The following ENTHD1 variants were observed in gnomAD, a reference collection of about 807,000 sequenced individuals.
ENTHD1 encodes the protein ENTH domain-containing protein 1.
Under a neutral mutation model 39.1 loss-of-function variants are expected in ENTHD1, and 23 were observed. That is an observed-to-expected ratio of 0.59 (90% CI 0.42 to 0.83). ENTHD1 has a LOEUF of 0.83. Ranked by LOEUF, ENTHD1 falls within the 40% of genes least tolerant of loss-of-function variation. The probability of loss-of-function intolerance (pLI) is 0.00; values close to 1 mark genes in which losing one functional copy is unlikely to be tolerated. For synonymous variants in ENTHD1, 230 were observed against 258.2 expected, an observed-to-expected ratio of 0.89 and a Z score of 1.05; for missense variants, 624 against 705.4, an observed-to-expected ratio of 0.88 and a Z score of 1.31.
intron 2 of ENTHD1, among the ~76,000 whole-genome samples, chr22:39,880,691 T>C (rs1231083604): frequency 6.6e-6 from 1 of 152,216 alleles, no homozygotes; most frequent in East Asian, 1.9e-4. Flanking sequence ...AGGATACATT[T>C]CTGAATTCTT....
chr22:39,833,941 CAAA>C (rs59299623), intron 4 of ENTHD1, among the ~76,000 whole-genome samples: 10 of 117,932 alleles, frequency 8.5e-5, no homozygotes, highest in Admixed American at 3.4e-4. Context: ...TATACTTGGG[CAAA>C]AAAAAAAAAA....
At chr22:39,774,089 CTT>C (rs2065348803) in intron 5 of ENTHD1, among the ~76,000 whole-genome samples, 1 of 152,180 alleles carries the variant, frequency 6.6e-6, no homozygotes, top group Admixed American at 6.5e-5. Context: ...TGGCAGACGT[CTT>C]GACAGACAGG....
intron 2 of ENTHD1, among the ~76,000 whole-genome samples, chr22:39,878,237 T>C (rs1327831364): frequency 3.3e-5 from 5 of 152,088 alleles, no homozygotes; most frequent in African/African-American, 9.7e-5. Context: ...GACATCTCAA[T>C]AGAAACCACT....
intron 5 of ENTHD1, among the ~76,000 whole-genome samples, chr22:39,783,462 G>A (rs1334168160): frequency 1.3e-5 from 2 of 152,032 alleles, no homozygotes; most frequent in Non-Finnish European, 2.9e-5. Context: ...GAGAAAAAAA[G>A]AATAAAGCTG....
intron 5 of ENTHD1, among the ~76,000 whole-genome samples, chr22:39,800,518 C>G (rs2146615686): frequency 1.3e-5 from 2 of 152,324 alleles, no homozygotes; most frequent in Admixed American, 1.3e-4. Flanking sequence ...TCTCAGGAGC[C>G]TGGGACCTAG....
chr22:39,765,516 G>A lies in ENTHD1; in HGVS notation c.926C>T (p.Thr309Ile). ...RSDGIFTNTV[T>I]ENLLETPLEK... is the part of the protein sequence containing the mutation. ...TAAAGGTGTTTCCAAGAGGTTTTCT[G>A]TGACAGTATTTGTAAAGATACCATC... Residue 309 changes from threonine to isoleucine, a missense_variant, in exon 6 of 7, where the codon ACA becomes ATA. By Grantham distance (89) the Thr-to-Ile change is moderately conservative. Transcript: ENST00000325157. 1.9e-6 allele frequency: 3 copies of A among 1,613,854 alleles called. No homozygotes were observed. Among genetic ancestry groups the A allele is most frequent in the South Asian group, 1.1e-5 (1 of 91,076 alleles).
At chr22:39,779,417 A>G (rs1370466852) in intron 5 of ENTHD1, among the ~76,000 whole-genome samples, 1 of 152,194 alleles carries the variant, frequency 6.6e-6, no homozygotes, top group Non-Finnish European at 1.5e-5. Flanking sequence ...TAGAACTTCT[A>G]AAAATGAAAA....
chr22:39,799,372 A>G (rs962154385), intron 5 of ENTHD1, among the ~76,000 whole-genome samples: 50 of 152,132 alleles, frequency 3.3e-4, no homozygotes, highest in African/African-American at 1.2e-3. Context: ...GGGCTGCAGG[A>G]CACTGTGTGT....
At chr22:39,778,125 G>A (rs1177323303) in intron 5 of ENTHD1, among the ~76,000 whole-genome samples, 1 of 152,174 alleles carries the variant, frequency 6.6e-6, no homozygotes, top group African/African-American at 2.4e-5. Flanking sequence ...GCTTGAAAAG[G>A]TGCCTGGCAC....
intron 2 of ENTHD1, among the ~76,000 whole-genome samples, chr22:39,863,409 A>G (rs1035080968): frequency 6.6e-6 from 1 of 152,190 alleles, no homozygotes; most frequent in Non-Finnish European, 1.5e-5. Context: ...TTCTAGTGAG[A>G]GTGATAGCTC....
At chr22:39,754,479 C>G (rs1379690384) in intron 6 of ENTHD1, among the ~76,000 whole-genome samples, 7 of 152,314 alleles carry the variant, frequency 4.6e-5, no homozygotes, top group African/African-American at 1.7e-4. Flanking sequence ...CTCCACATCC[C>G]TCAGGCTTGG....
intron 5 of ENTHD1, among the ~76,000 whole-genome samples, chr22:39,794,978 T>A (rs2065535764): frequency 6.6e-6 from 1 of 152,148 alleles, no homozygotes. Context: ...TCATGAAGCG[T>A]CATTGGATTT....
At chr22:39,791,263 TCTAGA>T (rs1451863489) in intron 5 of ENTHD1, among the ~76,000 whole-genome samples, 1 of 147,982 alleles carries the variant, frequency 6.8e-6, no homozygotes, top group Non-Finnish European at 1.5e-5. Context: ...TAGACTATAG[TCTAGA>T]CTATATATAG....
intron 5 of ENTHD1, among the ~76,000 whole-genome samples, chr22:39,798,412 A>T (rs2065568191): frequency 6.6e-6 from 1 of 151,890 alleles, no homozygotes; most frequent in Non-Finnish European, 1.5e-5. Flanking sequence ...CTTTCTGAGG[A>T]TGTATCTATG....
intron 4 of ENTHD1, among the ~76,000 whole-genome samples, chr22:39,833,878 G>T (rs1273931000): frequency 1.4e-5 from 2 of 141,930 alleles, no homozygotes; most frequent in East Asian, 4.2e-4. Context: ...CCACACTTAC[G>T]CATACTGTAG....
At chr22:39,817,539 C>T (rs547433801) in intron 5 of ENTHD1, among the ~76,000 whole-genome samples, 87 of 152,220 alleles carry the variant, frequency 5.7e-4, no homozygotes, top group African/African-American at 2.0e-3. Flanking sequence ...GTATGTAATA[C>T]ACACAGAAAG....
At chr22:39,806,888 G>T (rs2065645088) in intron 5 of ENTHD1, among the ~76,000 whole-genome samples, 1 of 152,168 alleles carries the variant, frequency 6.6e-6, no homozygotes, top group African/African-American at 2.4e-5. Context: ...GCAAGGGGAG[G>T]GTTTTCCCTG....
Position 39,780,140 on chromosome 22 carries a change from A to G in ENTHD1, c.833-14531T>C, listed in dbSNP as rs79546810. On this transcript the variant is annotated intron_variant, in intron 5 of 6. Coordinates refer to ENST00000325157, the MANE Select transcript of ENTHD1 (RefSeq NM_152512.4). ...TGTAACTCCAGGACTTTGGGAGGCC[A>G]AGGCAGGTGGATCACTTGAGGTCAG... is the stretch of plus-strand genomic sequence containing the variant. Among the ~76,000 whole-genome samples the G allele has an allele frequency of 5.3e-4, 80 of 152,236 alleles. No homozygotes were observed. In the East Asian group the frequency reaches 0.013, roughly 25 times the overall value.
intron 6 of ENTHD1, among the ~76,000 whole-genome samples, chr22:39,747,033 A>G (rs2065110908): frequency 6.6e-6 from 1 of 152,094 alleles, no homozygotes; most frequent in Non-Finnish European, 1.5e-5. Context: ...TCTGTCACCC[A>G]GACTGGAGTG....
Sources: gnomAD v4.1 joint callset for allele counts (sites outside exome capture counted in the v4.1 genomes callset) on GRCh38, gnomAD v4.1.1 for gene constraint, MANE v1.5 for transcripts, NCBI Gene and HGNC (gene_info 2026-07-23, HGNC 2026-07-21) for gene names.